Variants in P2RX2 observed in about 807,000 individuals in gnomAD.
P2RX2 encodes purinergic receptor P2X 2.
A neutral mutation model predicts 54.8 loss-of-function variants in P2RX2; 50 were observed. The observed-to-expected ratio is 0.91, with a 90% CI of 0.73 to 1.15. The LOEUF (loss-of-function observed/expected upper bound fraction) is 1.15. Among genes scored for constraint, P2RX2 ranks in the 50% most tolerant of loss-of-function variants. The probability of loss-of-function intolerance (pLI) is 0.00; values close to 1 mark genes in which losing one functional copy is unlikely to be tolerated. For synonymous variants in P2RX2, 289 were observed against 259.4 expected, an observed-to-expected ratio of 1.11 and a Z score of -1.09; for missense variants, 658 against 633.2, an observed-to-expected ratio of 1.04 and a Z score of -0.42.
At chr12:132,619,629 AG>A (rs1382555570) in intron 2 of P2RX2, 49 bp from the exon 3 acceptor site, 2 of 1,578,042 alleles carry the variant, frequency 1.3e-6, no homozygotes, top group East Asian at 2.3e-5. Context: ...TAGTGGGCGG[AG>A]GGGGCAGCGG....
In P2RX2 at chr12:132,621,428, C is replaced by T. The variant is rs576255022; in HGVS notation, c.997-47C>T. The stretch of plus-strand genomic sequence containing the variant: ...CACGCCCCACCCCTCCCTTAAGCCC[C>T]ATCAGACGCCGTCAGACATTCTGAC... On this transcript the variant is annotated intron_variant, in intron 9 of 10. Coordinates refer to ENST00000643471, the MANE Select transcript of P2RX2 (RefSeq NM_170682.4). 9.4e-6 allele frequency: 15 copies of T among 1,589,318 alleles called. No individual in the cohort carries two copies. In the African/African-American group the frequency reaches 1.2e-4, roughly 13 times the overall value.
intron 7 of P2RX2, among the ~76,000 whole-genome samples, 182 bp downstream of exon 7, chr12:132,620,765 A>G (rs1255886378): frequency 6.6e-6 from 1 of 152,198 alleles, no homozygotes; most frequent in Non-Finnish European, 1.5e-5. Flanking sequence ...GACACTGGCC[A>G]TGGGGCTGGC....
chr12:132,620,730 C>T (rs1469095727), intron 7 of P2RX2, 147 bp downstream of exon 7: 2 of 1,070,810 alleles, frequency 1.9e-6, no homozygotes. Flanking sequence ...CGCAACCCAT[C>T]CGGTGTGGCG....
At position 132,621,954 on chromosome 12, in the gene P2RX2, A is replaced by C; in HGVS notation, c.1398A>C (p.Lys466Asn). The change falls in exon 11 of 11, where the codon AAA (lysine) becomes AAC (asparagine). Residue 466 changes from lysine (K) to asparagine (N), a missense_variant. By Grantham distance (94) the Lys-to-Asn change is moderately conservative. Transcript: ENST00000643471. The part of the protein sequence containing the change: ...PAQASTPTDP[K>N]GLAQL The stretch of plus-strand genomic sequence containing the variant: ...AAGCCTCCACACCCACAGACCCCAA[A>C]GGTTTGGCTCAACTCTGAGCTCCTT... The C allele has an allele frequency of 6.2e-7, 1 of 1,613,730 alleles. No homozygotes were observed. Among genetic ancestry groups the C allele is most frequent in the Non-Finnish European group, 8.5e-7 (1 of 1,180,006 alleles).
At position 132,618,931 on chromosome 12, in the gene P2RX2, C is replaced by A. The variant is rs778028145; in HGVS notation, c.115C>A (p.Arg39=). The change falls in exon 1 of 11, where the codon CGG becomes AGG. Residue 39 remains arginine (R), a synonymous_variant. Coordinates refer to ENST00000643471, the MANE Select transcript of P2RX2 (RefSeq NM_170682.4). ...ETPKVIVVRN[R]RLGVLYRAVQ... is the part of the protein sequence containing the mutation. ...GCCCAAGGTGATCGTGGTGAGGAAC[C>A]GGCGCCTGGGGGTCCTGTACCGCGC... is the stretch of plus-strand genomic sequence containing the variant. The A allele has an allele frequency of 2.3e-6, 3 of 1,321,606 alleles. No individual in the cohort carries two copies. Among genetic ancestry groups the A allele is most frequent in the African/African-American group, 1.5e-5 (1 of 65,098 alleles). 81.9% of individuals were successfully genotyped at this position (1,321,606 alleles called of 1,614,324 possible).
Position 132,621,912 on chromosome 12 carries a change from T to C in P2RX2, c.1356T>C (p.Pro452=). Residue 452 remains proline (P), a synonymous_variant, in exon 11 of 11, where the codon CCT becomes CCC. Transcript: ENST00000643471. ...SAPSEQMVDT[P]ASEPAQASTP... ...CTTCTGAGCAGATGGTGGACACTCCTGCCTCCGAGCCTGCCCAAGCCTCCA... is the reference window on the plus strand; with the variant it reads ...CTTCTGAGCAGATGGTGGACACTCCCGCCTCCGAGCCTGCCCAAGCCTCCA... 6.2e-7 allele frequency: 1 copy of C among 1,613,704 alleles called. No individual in the cohort carries two copies. The highest frequency in any genetic ancestry group is 1.1e-5 in the South Asian group (1 of 91,078).
At chr12:132,620,166 G>A in intron 5 of P2RX2, 70 bp downstream of exon 5, 2 of 1,508,166 alleles carry the variant, frequency 1.3e-6, no homozygotes, top group Non-Finnish European at 1.8e-6. Flanking sequence ...AGGCCAAACG[G>A]GCGGGGCAGG....
Position 132,619,992 on chromosome 12 carries a change from C to T in P2RX2, c.458-8C>T. On this transcript the variant is annotated splice_region_variant and splice_polypyrimidine_tract_variant and intron_variant, in intron 4 of 10. Coordinates refer to ENST00000643471, the MANE Select transcript of P2RX2 (RefSeq NM_170682.4). Reference sequence around the variant, plus strand: ...CCCGCTAATGCCTCAGTGACCTCTGCCTCCCAGGCCTGAGGACTGGGCGCT... The same window carrying T: ...CCCGCTAATGCCTCAGTGACCTCTGTCTCCCAGGCCTGAGGACTGGGCGCT... 1 of 1,580,626 alleles carries T rather than the reference C, an allele frequency of 6.3e-7. No homozygotes were observed. Among genetic ancestry groups the T allele is most frequent in the Non-Finnish European group, 8.6e-7 (1 of 1,164,946 alleles).
In P2RX2 at chr12:132,619,664, T is replaced by C. The variant is rs751383176; in HGVS notation, c.310-15T>C. 12 of 1,585,078 alleles carry C rather than the reference T, an allele frequency of 7.6e-6. No homozygotes were observed. Among genetic ancestry groups the C allele is most frequent in the East Asian group, 2.3e-5 (1 of 44,316 alleles). ...GGCTGCCGCCTGGCCGACCGCCCCC[T>C]CTTTCTGAGCCCAGGGGGGCAGCGT... On this transcript the variant is annotated splice_polypyrimidine_tract_variant and intron_variant, in intron 2 of 10. Transcript: ENST00000643471.
rs1309609015 is a variant in P2RX2, at chr12:132,620,622, C to A, written c.774+39C>A. 4.4e-6 allele frequency: 7 copies of A among 1,600,664 alleles called. No individual in the cohort carries two copies. The African/African-American group carries it at 8.0e-5, about 18-fold the overall frequency. ...AGGCAGGGTGGGGCCAGGGTGGGCTCCCACCTGCACAGAGAGGGCCTGGGG... is the reference window on the plus strand; with the variant it reads ...AGGCAGGGTGGGGCCAGGGTGGGCTACCACCTGCACAGAGAGGGCCTGGGG... On this transcript the variant is annotated intron_variant, in intron 7 of 10. Transcript: ENST00000643471.
At chr12:132,620,414 G>A (rs754841987) in intron 6 of P2RX2, 31 bp from the exon 7 acceptor site, 24 of 1,613,992 alleles carry the variant, frequency 1.5e-5, no homozygotes, top group Admixed American at 3.3e-5. Flanking sequence ...GGTATTTGGG[G>A]TGCAGGTCTC....
Position 132,620,187 on chromosome 12 carries a change from T to G in P2RX2, c.555-80T>G, listed in dbSNP as rs7964872. ...AACGGGCGGGGCAGGAGTGACAAGA[T>G]CTGGGGAGGGGTGGGGGCCAATGCC... is the stretch of plus-strand genomic sequence containing the variant. On this transcript the variant is annotated intron_variant, in intron 5 of 10. Transcript: ENST00000643471. 0.61 allele frequency: 900,775 copies of G among 1,481,116 alleles called. 278,520 individuals are homozygous for G. Among genetic ancestry groups the G allele is most frequent in the African/African-American group, 0.81 (58,387 of 72,094 alleles). 91.7% of individuals were successfully genotyped at this position (1,481,116 alleles called of 1,614,324 possible).
chr12:132,621,936 C>T lies in P2RX2; in HGVS notation c.1380C>T (p.Ser460=), dbSNP rs1261135568. ...DTPASEPAQA[S]TPTDPKGLAQ... ...CTGCCTCCGAGCCTGCCCAAGCCTC[C>T]ACACCCACAGACCCCAAAGGTTTGG... is the stretch of plus-strand genomic sequence containing the variant. The change falls in exon 11 of 11, where the codon TCC becomes TCT. Residue 460 remains serine (S), a synonymous_variant. Coordinates refer to ENST00000643471, the MANE Select transcript of P2RX2 (RefSeq NM_170682.4). The T allele has an allele frequency of 1.9e-6, 3 of 1,613,758 alleles. No individual in the cohort carries two copies. The highest frequency in any genetic ancestry group is 2.5e-6 in the Non-Finnish European group (3 of 1,180,048).
rs2041640645 is a variant in P2RX2, at chr12:132,620,897, TCG to T, written c.775-103_775-102del. On this transcript the variant is annotated intron_variant, in intron 7 of 10. Coordinates refer to ENST00000643471, the MANE Select transcript of P2RX2 (RefSeq NM_170682.4). The stretch of plus-strand genomic sequence containing the variant: ...CTGACCCGGGCTCTCGAGGGGCCTC[TCG>T]TGTGCCCTTGTGACCCCCTTCCCTG... The T allele has an allele frequency of 9.3e-5, 25 of 269,306 alleles. 5 individuals carry two copies. The highest frequency in any genetic ancestry group is 7.3e-4 in the East Asian group (2 of 2,742). 16.7% of individuals were successfully genotyped at this position (269,306 alleles called of 1,614,324 possible). A position where few individuals can be genotyped will look rare whatever the true frequency, so the allele number is the denominator to read the frequency against.
In P2RX2 at chr12:132,618,919, G is replaced by A. The variant is rs748249759; in HGVS notation, c.103G>A (p.Val35Met). The change falls in exon 1 of 11, where the codon GTG becomes ATG. Residue 35 changes from valine (V) to methionine (M), a missense_variant. Physicochemically the swap from Val to Met is conservative, Grantham distance 21. Transcript: ENST00000643471. ...LWDYETPKVIVVRNRRLGVLY... is the reference protein window; with the variant it reads ...LWDYETPKVIMVRNRRLGVLY... ...GGACTACGAGACGCCCAAGGTGATC[G>A]TGGTGAGGAACCGGCGCCTGGGGGT... is the stretch of plus-strand genomic sequence containing the variant. 2 of 1,338,300 alleles carry A rather than the reference G, an allele frequency of 1.5e-6. No individual in the cohort carries two copies. Among genetic ancestry groups the A allele is most frequent in the South Asian group, 2.3e-5 (1 of 43,736 alleles). The allele number at this position is 1,338,300 out of a possible 1,614,324, so 82.9% of individuals were successfully genotyped here. A position where few individuals can be genotyped will look rare whatever the true frequency, so the allele number is the denominator to read the frequency against.
In P2RX2 at chr12:132,621,583, A is replaced by T. The variant is rs1331935058; in HGVS notation, c.1063-36A>T. 1.6e-5 allele frequency: 25 copies of T among 1,608,300 alleles called. No homozygotes were observed. The highest frequency in any genetic ancestry group is 2.1e-5 in the Non-Finnish European group (25 of 1,176,742). ...GGGTCCCAGCGGGTGCGGGGGGTCC[A>T]CCAGGCCCTTACACACCGGTCTCTG... On this transcript the variant is annotated intron_variant, in intron 10 of 10. Coordinates refer to ENST00000643471, the MANE Select transcript of P2RX2 (RefSeq NM_170682.4).
Position 132,622,166 on chromosome 12 carries a change from T to G in P2RX2, c.*194T>G. 2 of 1,434,332 alleles carry G rather than the reference T, an allele frequency of 1.4e-6. No individual in the cohort carries two copies. The highest frequency in any genetic ancestry group is 1.8e-6 in the Non-Finnish European group (2 of 1,100,676). The allele number at this position is 1,434,332 out of a possible 1,614,324, so 88.9% of individuals were successfully genotyped here. The stretch of plus-strand genomic sequence containing the variant: ...GTGCCCCACCCTGGCATACAGCCCC[T>G]GACACCTCCTCCCCAGCTGGTCCCT... On this transcript the variant is annotated 3_prime_UTR_variant, in exon 11 of 11. Transcript: ENST00000643471.
chr12:132,619,016 C>CA (rs368976300), intron 1 of P2RX2, 27 bp downstream of exon 1: 144 of 978,308 alleles, frequency 1.5e-4, no homozygotes, highest in South Asian at 1.8e-4. Context: ...GTGCGGGGCG[C>CA]GGGGTGCGGG....
At position 132,618,880 on chromosome 12, in the gene P2RX2, TG is replaced by T; in HGVS notation, c.66del (p.Trp22CysfsTer12). On this transcript the variant is annotated frameshift_variant, in exon 1 of 11. Transcript: ENST00000643471. LOFTEE classifies it high-confidence loss of function. Reference protein sequence around the residue: ...ATARRLARGCWSALWDYETPK... With the variant: ...ATARRLARGCXSALWDYETPK... ...CGCCCGGCGCCTGGCCCGGGGCTGCTGGTCCGCCCTCTGGGACTACGAGACG... is the reference window on the plus strand; with the variant it reads ...CGCCCGGCGCCTGGCCCGGGGCTGCTGTCCGCCCTCTGGGACTACGAGACG... 1.5e-6 allele frequency: 2 copies of T among 1,375,770 alleles called. No homozygotes were observed. The highest frequency in any genetic ancestry group is 1.9e-6 in the Non-Finnish European group (2 of 1,056,898). The allele number at this position is 1,375,770 out of a possible 1,614,324, so 85.2% of individuals were successfully genotyped here.
Sources: gnomAD v4.1 joint callset for allele counts (sites outside exome capture counted in the v4.1 genomes callset) on GRCh38, gnomAD v4.1.1 for gene constraint, MANE v1.5 for transcripts, NCBI Gene and HGNC (gene_info 2026-07-23, HGNC 2026-07-21) for gene names.